LGSN: variants seen among roughly 807,000 people sequenced by gnomAD.
The protein encoded by LGSN is lengsin.
A neutral mutation model predicts 19.5 loss-of-function variants in LGSN; 21 were observed. That is an observed-to-expected ratio of 1.07 (90% confidence interval 0.76 to 1.55). The LOEUF is 1.55. Among genes scored for constraint, LGSN ranks in the 40% most tolerant of loss-of-function variants. LGSN has a pLI of 0.00. For synonymous variants in LGSN, 257 were observed against 215.6 expected (o/e 1.19, Z -1.68); for missense variants, 673 against 608.5 (o/e 1.11, Z -1.12).
At chr6:63,521,826 G>C in the LGSN span, 5 of 152,104 alleles carry the variant, frequency 3.3e-5, no homozygotes, top group Admixed American at 3.3e-4. Flanking sequence ...CTCTTAAACA[G>C]GTAATTCTAA....
the LGSN span, among the ~76,000 whole-genome samples, chr6:63,325,452 T>C: frequency 6.6e-6 from 1 of 152,146 alleles, no homozygotes; most frequent in African/African-American, 2.4e-5. Context: ...TCAGAGACTG[T>C]TATAAACAAT....
chr6:63,526,386 A>C, the LGSN span, among the ~76,000 whole-genome samples: 3 of 152,148 alleles, frequency 2.0e-5, no homozygotes, highest in African/African-American at 7.2e-5. Flanking sequence ...AGCTGATAAC[A>C]AAGTTGAAAT....
In LGSN at chr6:63,276,757, A is replaced by C. The variant is rs1421085717; in HGVS notation, c.*3264T>G. ...AAGGCTTAGCACACAAATGGTGCTCAATAAGTGCTGCTGAATGAATGTCTG... is the reference window on the plus strand; with the variant it reads ...AAGGCTTAGCACACAAATGGTGCTCCATAAGTGCTGCTGAATGAATGTCTG... On this transcript the variant is annotated 3_prime_UTR_variant, in exon 4 of 4. Transcript: ENST00000370657. 1 of 152,248 alleles carries C rather than the reference A, an allele frequency of 6.6e-6. No homozygotes were observed. Among genetic ancestry groups the C allele is most frequent in the Admixed American group, 6.5e-5 (1 of 15,284 alleles). 9.4% of individuals were successfully genotyped at this position (152,248 alleles called of 1,614,324 possible). A position where few individuals can be genotyped will look rare whatever the true frequency, so the allele number is the denominator to read the frequency against.
chr6:63,358,042 T>A, the LGSN span, among the ~76,000 whole-genome samples: 198 of 152,328 alleles, frequency 1.3e-3, no homozygotes, highest in Non-Finnish European at 2.6e-3. Context: ...GTTTCAGCTT[T>A]CTACATATGG....
At chr6:63,548,824 TGTCA>T in the LGSN span, 180 of 749,924 alleles carry the variant, frequency 2.4e-4, no homozygotes, top group African/African-American at 2.8e-3. Flanking sequence ...TCATTGTATC[TGTCA>T]TTGTAGTCAG....
chr6:63,328,322 T>C, the LGSN span, among the ~76,000 whole-genome samples: 1 of 152,224 alleles, frequency 6.6e-6, no homozygotes, highest in Admixed American at 6.5e-5. Context: ...TTGGCAGTCA[T>C]GCTCGATTGG....
chr6:63,556,126 C>G, the LGSN span, among the ~76,000 whole-genome samples: 3 of 152,098 alleles, frequency 2.0e-5, no homozygotes, highest in South Asian at 4.1e-4. Flanking sequence ...ATCTAATCAC[C>G]CTAATACAAG....
At chr6:63,283,298 A>G (rs1024825752) in intron 3 of LGSN, among the ~76,000 whole-genome samples, 24 of 152,262 alleles carry the variant, frequency 1.6e-4, no homozygotes, top group African/African-American at 5.1e-4. Context: ...AAAGCACTGG[A>G]ACAACTTCAT....
the LGSN span, among the ~76,000 whole-genome samples, chr6:63,472,909 C>G: frequency 1.3e-5 from 2 of 151,794 alleles, no homozygotes; most frequent in Admixed American, 1.3e-4. Context: ...CCACTGCACT[C>G]CAGCCTGGGC....
the LGSN span, among the ~76,000 whole-genome samples, chr6:63,363,082 AG>A: frequency 3.9e-5 from 6 of 152,238 alleles, no homozygotes; most frequent in Non-Finnish European, 8.8e-5. Flanking sequence ...CCAGGCAAAC[AG>A]GGTCTGGAGT....
chr6:63,491,961 G>A, the LGSN span, among the ~76,000 whole-genome samples: 81,314 of 151,374 alleles, frequency 0.54, 23,644 homozygotes, highest in African/African-American at 0.77. Flanking sequence ...CCCGGGAGGC[G>A]GAAGTTGCAG....
At chr6:63,506,506 A>G in the LGSN span, among the ~76,000 whole-genome samples, 1 of 150,928 alleles carries the variant, frequency 6.6e-6, no homozygotes. Flanking sequence ...CTCGTGATCC[A>G]CCCTCCTTGG....
At chr6:63,476,691 A>G in the LGSN span, among the ~76,000 whole-genome samples, 2,439 of 152,320 alleles carry the variant, frequency 0.016, 67 homozygotes, top group African/African-American at 0.055. Context: ...TCTAAAGAGC[A>G]CAGGAAGCAA....
the LGSN span, among the ~76,000 whole-genome samples, chr6:63,354,792 T>C: frequency 6.6e-6 from 1 of 152,114 alleles, no homozygotes; most frequent in Non-Finnish European, 1.5e-5. Context: ...TGGAATACTA[T>C]TTAGCCATAA....
At chr6:63,474,133 A>G in the LGSN span, among the ~76,000 whole-genome samples, 7 of 152,250 alleles carry the variant, frequency 4.6e-5, no homozygotes, top group Non-Finnish European at 1.0e-4. Context: ...ACACATAGGT[A>G]GAACTGGGTG....
chr6:63,353,622 T>A, the LGSN span, among the ~76,000 whole-genome samples: 1 of 150,740 alleles, frequency 6.6e-6, no homozygotes, highest in Non-Finnish European at 1.5e-5. Flanking sequence ...AAATAATGTT[T>A]TTCACAGAAA....
At chr6:63,409,482 T>C in the LGSN span, among the ~76,000 whole-genome samples, 1 of 152,196 alleles carries the variant, frequency 6.6e-6, no homozygotes, top group African/African-American at 2.4e-5. Context: ...CAATTTATAT[T>C]TTGCTAAGTT....
the LGSN span, among the ~76,000 whole-genome samples, chr6:63,358,835 G>A: frequency 6.6e-6 from 1 of 151,898 alleles, no homozygotes; most frequent in East Asian, 1.9e-4. Context: ...TTTTTCTCCT[G>A]CCTGAGTGCC....
chr6:63,336,561 G>A, the LGSN span, among the ~76,000 whole-genome samples: 102,516 of 127,464 alleles, frequency 0.8, 41,194 homozygotes, highest in Middle Eastern at 0.85. Flanking sequence ...GTGTGTGTGT[G>A]TATATATATA....
Sources: gnomAD v4.1 joint callset for allele counts (sites outside exome capture counted in the v4.1 genomes callset) on GRCh38, gnomAD v4.1.1 for gene constraint, MANE v1.5 for transcripts, NCBI Gene and HGNC (gene_info 2026-07-23, HGNC 2026-07-21) for gene names.